The following MAPK10 variants were observed in gnomAD, a reference collection of about 807,000 sequenced individuals.
MAPK10 encodes JNK3 alpha protein kinase.
Under a neutral mutation model 59.3 loss-of-function variants are expected in MAPK10, and 25 were observed. The observed-to-expected ratio is 0.42, with a 90% CI of 0.31 to 0.59. The LOEUF (loss-of-function observed/expected upper bound fraction) is 0.59, where lower values mean the gene tolerates loss of function less well. Ranked by LOEUF, MAPK10 falls within the 20% of genes least tolerant of loss-of-function variation. The probability of loss-of-function intolerance (pLI) is 0.15; values close to 1 mark genes in which losing one functional copy is unlikely to be tolerated. For missense variants in MAPK10, 351 were observed against 568.9 expected (o/e 0.62, Z 3.90); for synonymous variants, 190 against 200.5 (o/e 0.95, Z 0.44).
chr4:86,546,536 G>T (rs1014881971), intron 1 of MAPK10, among the ~76,000 whole-genome samples: 2 of 145,914 alleles, frequency 1.4e-5, no homozygotes, highest in African/African-American at 2.6e-5. Flanking sequence ...CAGCCTGGGG[G>T]ACAAGAGCGA....
chr4:86,227,315 G>A (rs984250483), intron 2 of MAPK10, among the ~76,000 whole-genome samples: 2 of 151,812 alleles, frequency 1.3e-5, no homozygotes, highest in South Asian at 2.1e-4. Context: ...GTGAAATCCC[G>A]TCTCCACTAA....
chr4:86,091,514 T>C (rs1287590709), intron 9 of MAPK10: 1 of 149,516 alleles, frequency 6.7e-6, no homozygotes, highest in Admixed American at 6.7e-5. Flanking sequence ...GCCAATTTTA[T>C]CTTTCAGGCT....
chr4:86,239,455 T>C (rs1442009666), intron 2 of MAPK10, among the ~76,000 whole-genome samples: 1 of 152,154 alleles, frequency 6.6e-6, no homozygotes, highest in Non-Finnish European at 1.5e-5. Flanking sequence ...TGATAGAATT[T>C]AGCTGTGAAT....
chr4:86,384,429 C>T (rs1741191092), intron 1 of MAPK10, among the ~76,000 whole-genome samples: 1 of 152,124 alleles, frequency 6.6e-6, no homozygotes, highest in African/African-American at 2.4e-5. Context: ...GGAAGTGAGG[C>T]CCATAGGGTA....
chr4:86,309,839 T>C (rs911508560), intron 2 of MAPK10, among the ~76,000 whole-genome samples: 7 of 152,166 alleles, frequency 4.6e-5, no homozygotes, highest in African/African-American at 1.7e-4. Context: ...CTTGCAACAA[T>C]ATGTGCCAGG....
At chr4:86,224,782 A>T (rs1345538471) in intron 2 of MAPK10, among the ~76,000 whole-genome samples, 1 of 152,252 alleles carries the variant, frequency 6.6e-6, no homozygotes, top group Non-Finnish European at 1.5e-5. Context: ...CCTCAAAATT[A>T]GAAAATAAGG....
At position 86,459,421 on chromosome 4, in the gene MAPK10, A is replaced by G. The variant is rs539649791; in HGVS notation, c.-262-104777T>C. On this transcript the variant is annotated intron_variant, in intron 1 of 4. Transcript: ENST00000502302. The stretch of plus-strand genomic sequence containing the variant: ...CACTACTGGGTATCTCTCCAGAGGA[A>G]AAGAAGTCACTAAAAAGATACTTGC... Among the ~76,000 whole-genome samples the G allele has an allele frequency of 6.6e-5, 10 of 152,380 alleles. No homozygotes were observed. In the South Asian group the frequency reaches 1.9e-3, roughly 28 times the overall value.
chr4:86,168,035 T>C (rs538629472), intron 3 of MAPK10, among the ~76,000 whole-genome samples: 57 of 152,286 alleles, frequency 3.7e-4, no homozygotes, highest in South Asian at 1.0e-3. Context: ...CAAAGTCTCA[T>C]GATAAAAGAT....
chr4:86,165,818 A>G (rs1447965801), intron 3 of MAPK10, among the ~76,000 whole-genome samples: 3 of 152,122 alleles, frequency 2.0e-5, no homozygotes, highest in Admixed American at 2.0e-4. Context: ...TACTCTCAGC[A>G]GAGGGTTACA....
intron 2 of MAPK10, among the ~76,000 whole-genome samples, chr4:86,215,803 A>G (rs2087349426): frequency 6.6e-6 from 1 of 152,214 alleles, no homozygotes; most frequent in Non-Finnish European, 1.5e-5. Context: ...CGGAGGTTGC[A>G]GTGAGCCGAG....
At chr4:86,393,184 G>A (rs577988527) in intron 1 of MAPK10, among the ~76,000 whole-genome samples, 10 of 152,200 alleles carry the variant, frequency 6.6e-5, no homozygotes, top group East Asian at 1.9e-4. Context: ...TAAAAGGAAC[G>A]GTTTTTACCC....
chr4:86,074,137 A>G (rs2149011443), intron 9 of MAPK10, among the ~76,000 whole-genome samples: 1 of 113,376 alleles, frequency 8.8e-6, no homozygotes, highest in South Asian at 2.6e-4. Flanking sequence ...TGATCCCTTT[A>G]CCATTATGTA....
chr4:86,077,147 C>T (rs1378599487), intron 9 of MAPK10, among the ~76,000 whole-genome samples: 16 of 151,924 alleles, frequency 1.1e-4, no homozygotes, highest in Admixed American at 1.0e-3. Context: ...GGCATGATGT[C>T]CAGATAATGT....
At chr4:86,539,492 A>G (rs1229297790) in intron 1 of MAPK10, among the ~76,000 whole-genome samples, 1 of 152,182 alleles carries the variant, frequency 6.6e-6, no homozygotes, top group Non-Finnish European at 1.5e-5. Flanking sequence ...CCTTGGTCGC[A>G]GGGATTAGTG....
intron 2 of MAPK10, among the ~76,000 whole-genome samples, chr4:86,221,789 A>C (rs1409962356): frequency 6.6e-6 from 1 of 152,162 alleles, no homozygotes; most frequent in Non-Finnish European, 1.5e-5. Context: ...TAAGCCACTG[A>C]GCACAGCATA....
intron 1 of MAPK10, chr4:86,356,395 A>T: frequency 3.5e-6 from 1 of 283,596 alleles, no homozygotes; most frequent in South Asian, 1.4e-4. Flanking sequence ...CTTTACCAGA[A>T]ATAGTATATG....
At chr4:86,050,091 CT>C (rs1227656616) in intron 11 of MAPK10, among the ~76,000 whole-genome samples, 1 of 152,078 alleles carries the variant, frequency 6.6e-6, no homozygotes, top group African/African-American at 2.4e-5. Context: ...GAGCAGGCTG[CT>C]TCCTTTGCCT....
At chr4:86,026,987 C>T (rs1560675991) in intron 13 of MAPK10, 1 of 152,122 alleles carries the variant, frequency 6.6e-6, no homozygotes, top group Non-Finnish European at 1.5e-5. Flanking sequence ...AACACACCAA[C>T]AATAAATGCA....
chr4:86,121,014 T>C (rs1191118610), intron 4 of MAPK10, among the ~76,000 whole-genome samples: 2 of 152,248 alleles, frequency 1.3e-5, no homozygotes, highest in East Asian at 3.8e-4. Flanking sequence ...TTTCTATTTC[T>C]TATATATTCT....
Sources: allele counts gnomAD v4.1 joint callset (sites outside exome capture counted in the v4.1 genomes callset), GRCh38; gene constraint gnomAD v4.1.1; transcripts MANE v1.5; gene names NCBI Gene and HGNC (gene_info 2026-07-23, HGNC 2026-07-21).